PCDHGB5: variants seen among roughly 807,000 people sequenced by gnomAD.
The protein encoded by PCDHGB5 is protocadherin gamma subfamily B, 5.
In PCDHGB5, 48 loss-of-function variants were observed where a neutral mutation model predicts 62.9. The ratio of observed to expected loss-of-function variants is 0.76; its 90% CI spans 0.61 to 0.97. The LOEUF (loss-of-function observed/expected upper bound fraction) is 0.97, where lower values mean the gene tolerates loss of function less well. Ranked by LOEUF, PCDHGB5 falls within the 50% of genes least tolerant of loss-of-function variation. The probability of loss-of-function intolerance (pLI) is 0.00; values close to 1 mark genes in which losing one functional copy is unlikely to be tolerated. For missense variants in PCDHGB5, 1,118 were observed against 1,198.6 expected, an observed-to-expected ratio of 0.93 and a Z score of 0.99; for synonymous variants, 474 against 511.2, an observed-to-expected ratio of 0.93 and a Z score of 0.98.
chr5:141,485,625 G>C lies in PCDHGB5; in HGVS notation c.2398-9182G>C. On this transcript the variant is annotated intron_variant, in intron 1 of 3. Transcript: ENST00000617380. This position sits in a 1 kb window ranked among gnomAD's most constrained non-coding sequence, Gnocchi z 5.7. ...GGGGAGGCAGCTCCTCCAGGACAGC[G>C]TTTCCCGTTGGAAAAGGCTCAGGAT... The C allele has an allele frequency of 6.2e-7, 1 of 1,611,968 alleles. No individual in the cohort carries two copies. Among genetic ancestry groups the C allele is most frequent in the Non-Finnish European group, 8.5e-7 (1 of 1,178,504 alleles).
rs1426255577 is a variant in PCDHGB5, at chr5:141,512,797, TG to T, written c.*1625del. 6.6e-6 allele frequency: 1 copy of T among 152,300 alleles called. No homozygotes were observed. Among genetic ancestry groups the T allele is most frequent in the African/African-American group, 2.4e-5 (1 of 41,444 alleles). The allele number at this position is 152,300 out of a possible 1,614,324, so 9.4% of individuals were successfully genotyped here. On this transcript the variant is annotated 3_prime_UTR_variant, in exon 4 of 4. Transcript: ENST00000617380. ...GCGGCCCGTGTTGTGTTTTGTGCTGTGTCCACGCGCTAAGGCGACCCCCTCC... is the reference window on the plus strand; with the variant it reads ...GCGGCCCGTGTTGTGTTTTGTGCTGTTCCACGCGCTAAGGCGACCCCCTCC...
intron 1 of PCDHGB5, among the ~76,000 whole-genome samples, chr5:141,460,983 GTATA>G (rs59296681): frequency 0.024 from 3,365 of 137,748 alleles, 55 homozygotes; most frequent in African/African-American, 0.035. Flanking sequence ...GTGTGTGTGT[GTATA>G]TATATATATG....
In PCDHGB5 at chr5:141,490,755, C is replaced by T; in HGVS notation, c.2398-4052C>T. ...AGGTTCAGGGAGCCCCAGCCTCCTC[C>T]TTTGTGTATGTCAACCCAGAGGATG... On this transcript the variant is annotated intron_variant, in intron 1 of 3. Transcript: ENST00000617380. This position sits in a 1 kb window ranked among gnomAD's most constrained non-coding sequence, Gnocchi z 5.4. 1 of 1,614,190 alleles carries T rather than the reference C, an allele frequency of 6.2e-7. No individual in the cohort carries two copies. Among genetic ancestry groups the T allele is most frequent in the Non-Finnish European group, 8.5e-7 (1 of 1,180,026 alleles).
intron 3 of PCDHGB5, among the ~76,000 whole-genome samples, chr5:141,509,437 C>T (rs923580110): frequency 2.6e-5 from 4 of 152,104 alleles, no homozygotes; most frequent in African/African-American, 9.7e-5. Context: ...ACTCTTGTTT[C>T]CTCCTCTCCC....
chr5:141,423,895 G>T, intron 1 of PCDHGB5: 1 of 1,277,758 alleles, frequency 7.8e-7, no homozygotes, highest in Non-Finnish European at 9.9e-7. Flanking sequence ...ATTTTCTTTT[G>T]ATTTCAAAGG....
At chr5:141,427,259 G>A (rs1365845158) in intron 1 of PCDHGB5, 1 of 456,756 alleles carries the variant, frequency 2.2e-6, no homozygotes, top group Non-Finnish European at 4.4e-6. Flanking sequence ...GTGGAGGCAT[G>A]ACCAGCGAAT....
At chr5:141,430,448 G>T in intron 1 of PCDHGB5, 1 of 192,294 alleles carries the variant, frequency 5.2e-6, no homozygotes. Flanking sequence ...ATCCCCTTTT[G>T]AAGAACAGTA....
intron 1 of PCDHGB5, among the ~76,000 whole-genome samples, chr5:141,463,177 A>G (rs914982793): frequency 2.6e-5 from 4 of 152,250 alleles, no homozygotes; most frequent in Admixed American, 2.6e-4. Context: ...ATGTATGCTC[A>G]GATTATTATT....
At chr5:141,453,652 T>C (rs1302902554) in intron 1 of PCDHGB5, among the ~76,000 whole-genome samples, 1 of 152,252 alleles carries the variant, frequency 6.6e-6, no homozygotes, top group Non-Finnish European at 1.5e-5. Context: ...TTATGTCCTC[T>C]TCTTTCTTAC....
intron 1 of PCDHGB5, among the ~76,000 whole-genome samples, chr5:141,434,479 A>C (rs2097696849): frequency 6.6e-6 from 1 of 152,202 alleles, no homozygotes; most frequent in African/African-American, 2.4e-5. Flanking sequence ...AGGGCAAGGA[A>C]CACCTGGCCC....
chr5:141,429,390 A>T (rs556289214), intron 1 of PCDHGB5, among the ~76,000 whole-genome samples: 3,394 of 150,296 alleles, frequency 0.023, 54 homozygotes, highest in South Asian at 0.043. Context: ...TTTTTTTTAA[A>T]AAAAATTGAG....
intron 1 of PCDHGB5, among the ~76,000 whole-genome samples, chr5:141,449,762 G>T (rs909809198): frequency 6.6e-6 from 1 of 151,458 alleles, no homozygotes; most frequent in Non-Finnish European, 1.5e-5. Context: ...ACATTTGAGA[G>T]TAAGTTGTAG....
chr5:141,431,401 C>T lies in PCDHGB5; in HGVS notation c.2397+30877C>T. ...CTGCTCACCACCTGGTCCTTACGGC[C>T]TCCGACGGGGGCGACCCGGTGCGCA... On this transcript the variant is annotated intron_variant, in intron 1 of 3. Transcript: ENST00000617380. The surrounding 1 kb of genome is among the most constrained non-coding windows in gnomAD (Gnocchi z 4.8). 2 of 1,613,800 alleles carry T rather than the reference C, an allele frequency of 1.2e-6. No homozygotes were observed. Among genetic ancestry groups the T allele is most frequent in the Admixed American group, 1.7e-5 (1 of 60,036 alleles).
chr5:141,433,358 CCTATCTAT>C lies in PCDHGB5; in HGVS notation c.2397+32875_2397+32882del, dbSNP rs3074541. On this transcript the variant is annotated intron_variant, in intron 1 of 3. Transcript: ENST00000617380. ...ACAGGTGCAAGCCACCTACTGTCTG[CCTATCTAT>C]CTATCTATCTATCTATCTATCTATC... is the stretch of plus-strand genomic sequence containing the variant. The C allele has an allele frequency of 7.0e-3, 3,504 of 501,060 alleles. 20 individuals carry two copies. The highest frequency in any genetic ancestry group is 7.9e-3 in the Non-Finnish European group (2,251 of 285,142). The allele number at this position is 501,060 out of a possible 1,614,324, so 31.0% of individuals were successfully genotyped here.
intron 2 of PCDHGB5, among the ~76,000 whole-genome samples, chr5:141,503,100 G>A (rs563699751): frequency 6.6e-6 from 1 of 151,592 alleles, no homozygotes; most frequent in South Asian, 2.1e-4. Context: ...TGGTCTGCCC[G>A]CCCCTGCCTC....
rs1423149 is a variant in PCDHGB5, at chr5:141,487,780, C to G, written c.2398-7027C>G. ...TAGACGCTGTGCTTTGTAACTGTTTCGTGAATTAACCAGAGTTGTCACAGT... is the reference window on the plus strand; with the variant it reads ...TAGACGCTGTGCTTTGTAACTGTTTGGTGAATTAACCAGAGTTGTCACAGT... On this transcript the variant is annotated intron_variant, in intron 1 of 3. Transcript: ENST00000617380. This position sits in a 1 kb window ranked among gnomAD's most constrained non-coding sequence, Gnocchi z 5.0. 6.6e-7 allele frequency: 1 copy of G among 1,526,704 alleles called. No individual in the cohort carries two copies. The allele number at this position is 1,526,704 out of a possible 1,614,324, so 94.6% of individuals were successfully genotyped here. A position where few individuals can be genotyped will look rare whatever the true frequency, so the allele number is the denominator to read the frequency against.
At position 141,490,545 on chromosome 5, in the gene PCDHGB5, C is replaced by T; in HGVS notation, c.2398-4262C>T. 3 of 1,614,164 alleles carry T rather than the reference C, an allele frequency of 1.9e-6. No homozygotes were observed. The highest frequency in any genetic ancestry group is 2.5e-6 in the Non-Finnish European group (3 of 1,180,018). ...GCGATGCTGGTTCACCTTCCCTACA[C>T]AAACATCTCACCATCAGGCTCAACA... On this transcript the variant is annotated intron_variant, in intron 1 of 3. Coordinates refer to ENST00000617380, the MANE Select transcript of PCDHGB5 (RefSeq NM_018925.3). The surrounding 1 kb of genome is among the most constrained non-coding windows in gnomAD (Gnocchi z 5.4).
rs371490086 is a variant in PCDHGB5 at position 141,405,329 on chromosome 5, G to A, written c.2397+4805G>A. 241 of 1,614,168 alleles carry A rather than the reference G, an allele frequency of 1.5e-4. No individual in the cohort carries two copies. Among genetic ancestry groups the A allele is most frequent in the African/African-American group, 1.1e-3 (80 of 75,034 alleles). The stretch of plus-strand genomic sequence containing the variant: ...CTGTGAGAAAAATGAGCCTTTGTGC[G>A]TCTCTGTTGATTCCAAGTTTCCTAT... On this transcript the variant is annotated intron_variant, in intron 1 of 3. Coordinates refer to ENST00000617380, the MANE Select transcript of PCDHGB5 (RefSeq NM_018925.3).
At position 141,409,702 on chromosome 5, in the gene PCDHGB5, G is replaced by T. The variant is rs545411022; in HGVS notation, c.2397+9178G>T. The T allele has an allele frequency of 1.9e-6, 3 of 1,613,226 alleles. No individual in the cohort carries two copies. The East Asian group carries it at 6.7e-5, about 36-fold the overall frequency. ...TGGCGAGTGACCTAGAGCCCCTGGC[G>T]GTGTCGTCATACGTGTCAGTGAGCG... On this transcript the variant is annotated intron_variant, in intron 1 of 3. Coordinates refer to ENST00000617380, the MANE Select transcript of PCDHGB5 (RefSeq NM_018925.3).
Sources: allele counts gnomAD v4.1 joint callset (sites outside exome capture counted in the v4.1 genomes callset), GRCh38; gene constraint gnomAD v4.1.1; non-coding constraint Gnocchi (gnomAD v3.1); transcripts MANE v1.5; gene names NCBI Gene and HGNC (gene_info 2026-07-23, HGNC 2026-07-21).